PRKG1: variants seen among roughly 807,000 people sequenced by gnomAD.
PRKG1 encodes the protein cGMP-dependent protein kinase 1.
In PRKG1, 35 loss-of-function variants were observed where a neutral mutation model predicts 88.1. The observed-to-expected ratio is 0.40, with a 90% CI of 0.30 to 0.53. The LOEUF (loss-of-function observed/expected upper bound fraction) is 0.53, where lower values mean the gene tolerates loss of function less well. PRKG1 is among the 20% of genes least tolerant of loss of function. PRKG1 has a pLI of 0.59. For synonymous variants in PRKG1, 303 were observed against 292.5 expected, an observed-to-expected ratio of 1.04 and a Z score of -0.37; for missense variants, 540 against 839.8, an observed-to-expected ratio of 0.64 and a Z score of 4.41.
chr10:51,097,025 G>A (rs1273543569), intron 1 of PRKG1, among the ~76,000 whole-genome samples: 1 of 152,108 alleles, frequency 6.6e-6, no homozygotes, highest in East Asian at 1.9e-4. Context: ...TTCCATAACT[G>A]TCCCTCTGGT....
chr10:51,968,991 A>C (rs756347788), intron 5 of PRKG1, among the ~76,000 whole-genome samples: 1 of 152,098 alleles, frequency 6.6e-6, no homozygotes, highest in Non-Finnish European at 1.5e-5. Context: ...CTGTTGTGTG[A>C]AATCACTTTA....
chr10:51,046,054 G>A lies in PRKG1; in HGVS notation c.266+54410G>A, dbSNP rs569240079. Among the ~76,000 whole-genome samples, 15 of 152,276 alleles carry A rather than the reference G, an allele frequency of 9.9e-5. No homozygotes were observed. In the East Asian group the frequency reaches 1.2e-3, roughly 12 times the overall value. The stretch of plus-strand genomic sequence containing the variant: ...GCTTTCCTCAAAGTTAGTAGATAGC[G>A]CCAGGGTCTACACCCAGCCTTAGAA... On this transcript the variant is annotated intron_variant, in intron 1 of 17. Coordinates refer to the PRKG1 transcript ENST00000401604.
At chr10:51,125,259 G>T (rs1845367127) in intron 1 of PRKG1, among the ~76,000 whole-genome samples, 1 of 152,042 alleles carries the variant, frequency 6.6e-6, no homozygotes, top group Admixed American at 6.6e-5. Flanking sequence ...GGAAAATAGA[G>T]GTGGCAGTGA....
chr10:51,363,014 T>C (rs1842516242), intron 2 of PRKG1, among the ~76,000 whole-genome samples: 1 of 151,934 alleles, frequency 6.6e-6, no homozygotes, highest in Non-Finnish European at 1.5e-5. Flanking sequence ...CCTTCCAGAA[T>C]TACCTGTAGT....
intron 1 of PRKG1, among the ~76,000 whole-genome samples, chr10:51,040,158 G>T (rs1028128432): frequency 1.3e-5 from 2 of 150,572 alleles, no homozygotes. Context: ...TCCATAGATT[G>T]CTTTGAGTAG....
chr10:51,092,562 G>T (rs998901643), intron 1 of PRKG1, among the ~76,000 whole-genome samples: 9 of 152,170 alleles, frequency 5.9e-5, no homozygotes, highest in Non-Finnish European at 1.5e-5. Flanking sequence ...AGAAGCCTTT[G>T]CTCTGATGCC....
At chr10:51,931,743 T>G (rs1051155510) in intron 5 of PRKG1, among the ~76,000 whole-genome samples, 2 of 152,190 alleles carry the variant, frequency 1.3e-5, no homozygotes, top group African/African-American at 4.8e-5. Flanking sequence ...TTTTGCATAT[T>G]CCTTCTGTAA....
At chr10:51,718,718 A>G (rs1841943331) in intron 3 of PRKG1, among the ~76,000 whole-genome samples, 1 of 152,184 alleles carries the variant, frequency 6.6e-6, no homozygotes, top group Admixed American at 6.5e-5. Context: ...GAATCTAAAA[A>G]TCAAAACAAT....
chr10:51,587,464 T>C (rs146928328), intron 3 of PRKG1, among the ~76,000 whole-genome samples: 13 of 152,310 alleles, frequency 8.5e-5, no homozygotes, highest in African/African-American at 2.9e-4. Context: ...AGAGAGTCTA[T>C]GTTTTTAAGT....
At chr10:52,034,594 A>G (rs1454308587) in intron 5 of PRKG1, among the ~76,000 whole-genome samples, 1 of 151,588 alleles carries the variant, frequency 6.6e-6, no homozygotes, top group African/African-American at 2.4e-5. Flanking sequence ...TAGTCCTGCC[A>G]GCAAAGATTA....
At chr10:51,179,718 G>A (rs74133503) in intron 2 of PRKG1, among the ~76,000 whole-genome samples, 5,284 of 152,124 alleles carry the variant, frequency 0.035, 303 homozygotes, top group African/African-American at 0.12. Context: ...TTACCAAAAG[G>A]TGTTCTAGGT....
chr10:51,166,662 A>G (rs1334062880), intron 2 of PRKG1, among the ~76,000 whole-genome samples: 1 of 152,202 alleles, frequency 6.6e-6, no homozygotes, highest in Non-Finnish European at 1.5e-5. Flanking sequence ...CATCAATTCT[A>G]GTACTCAAAG....
chr10:51,537,943 T>C (rs1842198993), intron 3 of PRKG1, among the ~76,000 whole-genome samples: 1 of 152,192 alleles, frequency 6.6e-6, no homozygotes, highest in South Asian at 2.1e-4. Flanking sequence ...GATAAATTAA[T>C]CTTAGCTTTA....
chr10:51,024,868 T>C (rs1443783508), intron 1 of PRKG1, among the ~76,000 whole-genome samples: 4 of 152,084 alleles, frequency 2.6e-5, no homozygotes, highest in Non-Finnish European at 5.9e-5. Flanking sequence ...CATGATCCAG[T>C]CACCTCCCAC....
At chr10:51,397,578 T>C (rs1345593564) in intron 2 of PRKG1, among the ~76,000 whole-genome samples, 1 of 152,104 alleles carries the variant, frequency 6.6e-6, no homozygotes, top group Non-Finnish European at 1.5e-5. Context: ...ATACTCAAGG[T>C]TTTTTCTGAC....
intron 4 of PRKG1, among the ~76,000 whole-genome samples, chr10:51,906,285 A>G (rs1017474954): frequency 1.3e-5 from 2 of 152,200 alleles, no homozygotes; most frequent in African/African-American, 4.8e-5. Flanking sequence ...ATCAACAAAA[A>G]GAGTCAAACT....
intron 3 of PRKG1, among the ~76,000 whole-genome samples, chr10:51,598,908 A>C (rs887639453): frequency 6.6e-6 from 1 of 152,146 alleles, no homozygotes; most frequent in Admixed American, 6.6e-5. Context: ...CCCGTTTTGC[A>C]TGTGTAGGGG....
At chr10:51,655,674 GTC>G (rs1361519313) in intron 3 of PRKG1, among the ~76,000 whole-genome samples, 4 of 152,016 alleles carry the variant, frequency 2.6e-5, no homozygotes, top group Admixed American at 2.6e-4. Context: ...TTCTACTTTA[GTC>G]TCTCATTATA....
intron 3 of PRKG1, among the ~76,000 whole-genome samples, chr10:51,799,335 T>A (rs1273366175): frequency 1.3e-5 from 2 of 152,066 alleles, no homozygotes; most frequent in Non-Finnish European, 2.9e-5. Flanking sequence ...GTTGCTTTCC[T>A]TATCACTTCT....
Sources: allele counts gnomAD v4.1 joint callset (sites outside exome capture counted in the v4.1 genomes callset), GRCh38; gene constraint gnomAD v4.1.1; transcripts MANE v1.5; gene names NCBI Gene and HGNC (gene_info 2026-07-23, HGNC 2026-07-21).